GPC5: variants seen among roughly 807,000 people sequenced by gnomAD.
GPC5 encodes glypican 5, also known as glypican-5.
Under a neutral mutation model 53.9 loss-of-function variants are expected in GPC5, and 47 were observed. The ratio of observed to expected loss-of-function variants is 0.87; its 90% confidence interval spans 0.69 to 1.11. The LOEUF (loss-of-function observed/expected upper bound fraction) is 1.11. GPC5 is among the 50% of genes most tolerant of loss of function. The probability of loss-of-function intolerance (pLI) is 0.00; values close to 1 mark genes in which losing one functional copy is unlikely to be tolerated. For synonymous variants in GPC5, 286 were observed against 263.3 expected, an observed-to-expected ratio of 1.09 and a Z score of -0.84; for missense variants, 748 against 713.1, an observed-to-expected ratio of 1.05 and a Z score of -0.56.
intron 5 of GPC5, among the ~76,000 whole-genome samples, chr13:91,897,940 G>A (rs1481084007): frequency 6.6e-6 from 1 of 152,018 alleles, no homozygotes; most frequent in Non-Finnish European, 1.5e-5. Context: ...CTGTACTTCA[G>A]TGTATTTCCC....
chr13:91,525,069 C>T (rs1886021006), intron 2 of GPC5, among the ~76,000 whole-genome samples: 1 of 152,136 alleles, frequency 6.6e-6, no homozygotes, highest in African/African-American at 2.4e-5. Flanking sequence ...TATTTATAGA[C>T]ACAATGTCCT....
intron 6 of GPC5, among the ~76,000 whole-genome samples, chr13:91,970,730 G>T (rs1022785801): frequency 6.6e-6 from 1 of 152,138 alleles, no homozygotes; most frequent in Admixed American, 6.5e-5. Context: ...TAATCATGTG[G>T]TTTTTGTCTT....
chr13:92,284,746 A>AT (rs1194992228), intron 7 of GPC5, among the ~76,000 whole-genome samples: 1 of 152,208 alleles, frequency 6.6e-6, no homozygotes, highest in African/African-American at 2.4e-5. Flanking sequence ...GTATCTCAAA[A>AT]TAATAAGAGC....
chr13:92,209,909 A>G (rs2042363096), intron 7 of GPC5, among the ~76,000 whole-genome samples: 1 of 152,152 alleles, frequency 6.6e-6, no homozygotes, highest in South Asian at 2.1e-4. Context: ...CTGAGTCCCA[A>G]AGATGAAGAG....
At chr13:92,604,824 T>C (rs1194232325) in intron 7 of GPC5, among the ~76,000 whole-genome samples, 1 of 152,218 alleles carries the variant, frequency 6.6e-6, no homozygotes, top group African/African-American at 2.4e-5. Context: ...ATTTCACATA[T>C]AGATTTTTCC....
At chr13:91,416,166 T>A (rs186995774) in intron 1 of GPC5, among the ~76,000 whole-genome samples, 1 of 152,276 alleles carries the variant, frequency 6.6e-6, no homozygotes, top group East Asian at 1.9e-4. Flanking sequence ...ATGTACAGTA[T>A]AGGGCTGCCC....
chr13:92,558,510 T>C (rs1241823242), intron 7 of GPC5, among the ~76,000 whole-genome samples: 1 of 152,072 alleles, frequency 6.6e-6, no homozygotes, highest in Non-Finnish European at 1.5e-5. Flanking sequence ...GGTTTATGTA[T>C]GAATTCAGTA....
chr13:92,162,136 A>T (rs2139007687), intron 7 of GPC5, among the ~76,000 whole-genome samples: 1 of 151,630 alleles, frequency 6.6e-6, no homozygotes, highest in Admixed American at 6.6e-5. Context: ...CCTGAAGTCT[A>T]AACTGCATTA....
chr13:91,598,892 T>G (rs1402783362), intron 2 of GPC5, among the ~76,000 whole-genome samples: 1 of 151,822 alleles, frequency 6.6e-6, no homozygotes, highest in Admixed American at 6.6e-5. Context: ...GAAGGTGAGC[T>G]CAAAACAAGA....
chr13:91,987,720 A>G (rs906610417), intron 6 of GPC5, among the ~76,000 whole-genome samples: 23 of 147,712 alleles, frequency 1.6e-4, no homozygotes, highest in Admixed American at 1.2e-3. Context: ...TCTAGATTTC[A>G]CAATAGTATA....
chr13:92,664,122 A>G (rs1260257790), intron 7 of GPC5, among the ~76,000 whole-genome samples: 1 of 151,854 alleles, frequency 6.6e-6, no homozygotes, highest in Non-Finnish European at 1.5e-5. Context: ...CTTCAATTAT[A>G]GAGTTGTAGC....
chr13:91,689,228 T>TATAC (rs765369939), intron 2 of GPC5, among the ~76,000 whole-genome samples: 2 of 91,240 alleles, frequency 2.2e-5, no homozygotes, highest in Non-Finnish European at 4.2e-5. Flanking sequence ...TATATATATA[T>TATAC]ATACACATAT....
intron 7 of GPC5, among the ~76,000 whole-genome samples, chr13:92,331,646 A>C (rs964227850): frequency 4.0e-5 from 6 of 151,318 alleles, no homozygotes; most frequent in Non-Finnish European, 8.8e-5. Flanking sequence ...ACTTGAGATA[A>C]AATTTTTCTC....
chr13:92,659,535 C>T (rs1886268324), intron 7 of GPC5, among the ~76,000 whole-genome samples: 1 of 151,910 alleles, frequency 6.6e-6, no homozygotes, highest in East Asian at 1.9e-4. Flanking sequence ...CTGCTGCTTA[C>T]TAGATGTGTG....
chr13:91,487,420 G>C (rs1321968201), intron 2 of GPC5, among the ~76,000 whole-genome samples: 1 of 152,148 alleles, frequency 6.6e-6, no homozygotes, highest in Admixed American at 6.5e-5. Context: ...TCCAGGTGTG[G>C]TTACATTTCT....
chr13:92,297,746 G>C (rs1295674728), intron 7 of GPC5, among the ~76,000 whole-genome samples: 1 of 152,082 alleles, frequency 6.6e-6, no homozygotes, highest in Non-Finnish European at 1.5e-5. Flanking sequence ...CCAGATAAGA[G>C]AATAAAAGCA....
chr13:91,923,105 T>C (rs2039732474), intron 6 of GPC5, among the ~76,000 whole-genome samples: 1 of 152,146 alleles, frequency 6.6e-6, no homozygotes, highest in South Asian at 2.1e-4. Context: ...ACCCTAAGGT[T>C]GAGTATGCAC....
chr13:92,501,635 C>T (rs1301919353), intron 7 of GPC5, among the ~76,000 whole-genome samples: 17 of 151,890 alleles, frequency 1.1e-4, no homozygotes, highest in Non-Finnish European at 1.3e-4. Context: ...AAGTGTGGGC[C>T]GAGACACAGC....
At chr13:91,820,598 A>G (rs772269060) in intron 5 of GPC5, among the ~76,000 whole-genome samples, 2 of 152,316 alleles carry the variant, frequency 1.3e-5, no homozygotes, top group Non-Finnish European at 2.9e-5. Context: ...TCATTGTGCT[A>G]CTACCATAGT....
Sources: gnomAD v4.1 joint callset for allele counts (sites outside exome capture counted in the v4.1 genomes callset) on GRCh38, gnomAD v4.1.1 for gene constraint, MANE v1.5 for transcripts, NCBI Gene and HGNC (gene_info 2026-07-23, HGNC 2026-07-21) for gene names.